NEMF: variants seen among roughly 807,000 people sequenced by gnomAD.
NEMF encodes ribosome quality control complex subunit NEMF.
Under a neutral mutation model 162.2 loss-of-function variants are expected in NEMF, and 89 were observed. The observed-to-expected ratio is 0.55, with a 90% CI of 0.46 to 0.65. NEMF has a LOEUF of 0.65. NEMF is among the 30% of genes least tolerant of loss of function. NEMF has a pLI of 0.00. For missense variants in NEMF, 1,133 were observed against 1,261.9 expected (o/e 0.90, Z 1.55); for synonymous variants, 421 against 404.5 (o/e 1.04, Z -0.49).
intron 22 of NEMF, chr14:49,801,385 G>C (rs1479434059): frequency 6.6e-6 from 1 of 152,168 alleles, no homozygotes; most frequent in Non-Finnish European, 1.5e-5. Context: ...CTACTCGGGA[G>C]GCTGAGGCAG....
chr14:49,833,961 C>T, intron 7 of NEMF: 1 of 292,368 alleles, frequency 3.4e-6, no homozygotes, highest in Middle Eastern at 4.2e-4. Flanking sequence ...TTTATAAAAA[C>T]AAACAAAAAC....
Position 49,838,157 on chromosome 14 carries a change from C to A in NEMF, c.556G>T (p.Val186Leu). The part of the protein sequence containing the change: ...SAPKGELLKR[V>L]LNPLLPYGPA... Reference sequence around the variant, plus strand: ...TACTCACGAAGTAATGGGTTAAGCACCCTCTTCAGTAGTTCACCCTTAGGT... The same window carrying A: ...TACTCACGAAGTAATGGGTTAAGCAACCTCTTCAGTAGTTCACCCTTAGGT... Residue 186 changes from valine to leucine, a missense_variant, in exon 6 of 33, where the codon GTG becomes TTG. Val to Leu is a conservative substitution (Grantham distance 32). Transcript: ENST00000298310. The A allele has an allele frequency of 6.2e-7, 1 of 1,613,612 alleles. No individual in the cohort carries two copies. The highest frequency in any genetic ancestry group is 8.5e-7 in the Non-Finnish European group (1 of 1,179,610).
intron 26 of NEMF, among the ~76,000 whole-genome samples, chr14:49,791,481 G>C (rs1313750371): frequency 6.6e-6 from 1 of 151,906 alleles, no homozygotes; most frequent in Non-Finnish European, 1.5e-5. Flanking sequence ...GCTCACGCCT[G>C]TAATCCCAGC....
intron 2 of NEMF, 41 bp downstream of exon 2, chr14:49,851,762 ATACT>A: frequency 1.4e-6 from 2 of 1,456,908 alleles, no homozygotes; most frequent in Non-Finnish European, 1.9e-6. Flanking sequence ...CAGTAATCTC[ATACT>A]TAATTGTCAA....
rs768563930 is a variant in NEMF, at chr14:49,828,763, CCATCAA to C, written c.1271_1276del (p.Val424_Asp425del). The C allele has an allele frequency of 6.4e-7, 1 of 1,557,178 alleles. No individual in the cohort carries two copies. Among genetic ancestry groups the C allele is most frequent in the Admixed American group, 1.9e-5 (1 of 54,002 alleles). ...TTCATTTTTCTCAACATTGACGTCACCATCAACATCATCATCTTCCTCCTCTGATAA... is the reference window on the plus strand; with the variant it reads ...TTCATTTTTCTCAACATTGACGTCACCATCATCATCTTCCTCCTCTGATAA... On this transcript the variant is annotated inframe_deletion, in exon 14 of 33. Coordinates refer to ENST00000298310, the MANE Select transcript of NEMF (RefSeq NM_004713.6).
rs1594742257 is a variant in NEMF, at chr14:49,800,333, G to A, written c.2372+87C>T. The A allele has an allele frequency of 1.1e-5, 11 of 1,000,678 alleles. No homozygotes were observed. In the East Asian group the frequency reaches 2.4e-4, roughly 21 times the overall value. 62.0% of individuals were successfully genotyped at this position (1,000,678 alleles called of 1,614,324 possible). ...GACAATGGAGTGTAAAAGTACTGATGTCAATCTTGGTATTATCTTTGTAAG... is the reference window on the plus strand; with the variant it reads ...GACAATGGAGTGTAAAAGTACTGATATCAATCTTGGTATTATCTTTGTAAG... On this transcript the variant is annotated intron_variant, in intron 23 of 32. Coordinates refer to ENST00000298310, the MANE Select transcript of NEMF (RefSeq NM_004713.6).
chr14:49,832,324 G>T (rs201739375), intron 8 of NEMF, 47 bp from the exon 9 acceptor site: 70 of 1,213,782 alleles, frequency 5.8e-5, no homozygotes, highest in Non-Finnish European at 7.5e-5. Flanking sequence ...AATTAACAAA[G>T]ATTTACTTCT....
intron 16 of NEMF, among the ~76,000 whole-genome samples, chr14:49,822,174 C>G (rs948057664): frequency 6.6e-6 from 1 of 152,104 alleles, no homozygotes; most frequent in African/African-American, 2.4e-5. Flanking sequence ...AAACACTCTG[C>G]CTAGGAAAAC....
rs773793676 is a variant in NEMF at position 49,829,179 on chromosome 14, T to C, written c.1107A>G (p.Leu369=). 6.2e-7 allele frequency: 1 copy of C among 1,614,214 alleles called. No individual in the cohort carries two copies. Among genetic ancestry groups the C allele is most frequent in the South Asian group, 1.1e-5 (1 of 91,086 alleles). ...TTTCTGTCCAATCTATCTGGTTAGC[T>C]AAAGCACTTCGAACTACCTGAATGG... ...DRAIQVVRSA[L]ANQIDWTEIG... is the part of the protein sequence containing the mutation. The change falls in exon 13 of 33, where the codon TTA becomes TTG. Residue 369 remains leucine (L), a synonymous_variant. Transcript: ENST00000298310.
In NEMF at chr14:49,832,288, G is replaced by C. The variant is rs753297431; in HGVS notation, c.736-11C>G. On this transcript the variant is annotated splice_polypyrimidine_tract_variant and intron_variant, in intron 8 of 32. Coordinates refer to ENST00000298310, the MANE Select transcript of NEMF (RefSeq NM_004713.6). Reference sequence around the variant, plus strand: ...CTGAATGATATATCCCTACAAAAATGCAACATTAAAATCATTCCTATTCAT... The same window carrying C: ...CTGAATGATATATCCCTACAAAAATCCAACATTAAAATCATTCCTATTCAT... The C allele has an allele frequency of 8.5e-6, 13 of 1,530,362 alleles. No individual in the cohort carries two copies. In the African/African-American group the frequency reaches 1.4e-4, roughly 16 times the overall value. The allele number at this position is 1,530,362 out of a possible 1,614,324, so 94.8% of individuals were successfully genotyped here.
At chr14:49,788,763 T>G (rs996629481) in intron 28 of NEMF, among the ~76,000 whole-genome samples, 1 of 152,088 alleles carries the variant, frequency 6.6e-6, no homozygotes, top group African/African-American at 2.4e-5. Flanking sequence ...TTCACCACGT[T>G]AGCCAGCATG....
chr14:49,833,413 A>G lies in NEMF; in HGVS notation c.735+10T>C. 1 of 1,541,526 alleles carries G rather than the reference A, an allele frequency of 6.5e-7. No homozygotes were observed. The highest frequency in any genetic ancestry group is 8.9e-7 in the Non-Finnish European group (1 of 1,127,276). On this transcript the variant is annotated intron_variant, in intron 8 of 32. Coordinates refer to ENST00000298310, the MANE Select transcript of NEMF (RefSeq NM_004713.6). Reference sequence around the variant, plus strand: ...TCACAACAATATATAGTAAGTATACATGGTGCTACCTTCCCACTGAAGTTG... The same window carrying G: ...TCACAACAATATATAGTAAGTATACGTGGTGCTACCTTCCCACTGAAGTTG...
intron 19 of NEMF, 90 bp downstream of exon 19, chr14:49,805,931 C>A (rs189368009): frequency 7.1e-6 from 5 of 703,048 alleles, no homozygotes; most frequent in Admixed American, 2.9e-5. Context: ...CTCTATTGAG[C>A]CTTGTCTGCT....
intron 16 of NEMF, among the ~76,000 whole-genome samples, chr14:49,817,089 G>A (rs556461933): frequency 3.9e-5 from 6 of 152,256 alleles, no homozygotes; most frequent in African/African-American, 1.2e-4. Context: ...GGAAAACAAT[G>A]ACAATGATAT....
Position 49,794,312 on chromosome 14 carries a change from A to T in NEMF, c.2619+1479T>A, listed in dbSNP as rs189603156. ...TCAATTCTGATTAAAGTCATGTTGA[A>T]TTTACATATGAGGGGAATTTATATT... is the stretch of plus-strand genomic sequence containing the variant. On this transcript the variant is annotated intron_variant, in intron 26 of 32. Coordinates refer to ENST00000298310, the MANE Select transcript of NEMF (RefSeq NM_004713.6). 5.9e-5 allele frequency among the ~76,000 whole-genome samples: 9 copies of T among 152,316 alleles called. No homozygotes were observed. In the East Asian group the frequency reaches 7.7e-4, roughly 13 times the overall value.
intron 29 of NEMF, 26 bp downstream of exon 29, chr14:49,786,692 G>A (rs1306775322): frequency 1.2e-6 from 2 of 1,600,828 alleles, no homozygotes; most frequent in South Asian, 1.1e-5. Flanking sequence ...CAGTGTTGTA[G>A]TAGGAACCCC....
At chr14:49,838,309 CAATA>C (rs1893008530) in intron 5 of NEMF, 103 bp from the exon 6 acceptor site, 5 of 856,434 alleles carry the variant, frequency 5.8e-6, no homozygotes, top group East Asian at 2.5e-5. Context: ...CTGATCTTTA[CAATA>C]ATCTGAAACG....
intron 15 of NEMF, among the ~76,000 whole-genome samples, chr14:49,827,591 T>C (rs538452123): frequency 6.6e-6 from 1 of 151,374 alleles, no homozygotes; most frequent in East Asian, 2.0e-4. Context: ...AGCGGGCGGA[T>C]CACCTGAGGT....
intron 6 of NEMF, among the ~76,000 whole-genome samples, chr14:49,837,213 T>C (rs1726225795): frequency 6.6e-6 from 1 of 152,036 alleles, no homozygotes; most frequent in Non-Finnish European, 1.5e-5. Context: ...GAGGCAGAGG[T>C]TGCAGTGAGC....
Sources: allele counts gnomAD v4.1 joint callset (sites outside exome capture counted in the v4.1 genomes callset), GRCh38; gene constraint gnomAD v4.1.1; transcripts MANE v1.5; gene names NCBI Gene and HGNC (gene_info 2026-07-23, HGNC 2026-07-21).